Variants in MAJIN observed in about 807,000 individuals in gnomAD.
The protein encoded by MAJIN is membrane anchored junction protein, also known as membrane-anchored junction protein.
MAJIN carries 27 observed loss-of-function variants against 30.2 expected under a neutral mutation model. The observed-to-expected ratio is 0.89, with a 90% CI of 0.66 to 1.23. The LOEUF is 1.23. MAJIN is among the 50% of genes most tolerant of loss of function. MAJIN has a pLI of 0.00. For missense variants in MAJIN, 253 were observed against 260.3 expected, an observed-to-expected ratio of 0.97 and a Z score of 0.19; for synonymous variants, 78 against 91.6, an observed-to-expected ratio of 0.85 and a Z score of 0.85.
rs985515011 is a variant in MAJIN at position 64,938,273 on chromosome 11, C to T, written c.*302G>A. ...TTATTGTCATTAGGATCCTAAGTGC[C>T]GAAGACAAAAGGCCTAAACCGGCCC... On this transcript the variant is annotated 3_prime_UTR_variant, in exon 11 of 11. Transcript: ENST00000301896. 21 of 440,424 alleles carry T rather than the reference C, an allele frequency of 4.8e-5. No individual in the cohort carries two copies. The East Asian group carries it at 6.1e-4, about 13-fold the overall frequency. The allele number at this position is 440,424 out of a possible 1,614,324, so 27.3% of individuals were successfully genotyped here. A position where few individuals can be genotyped will look rare whatever the true frequency, so the allele number is the denominator to read the frequency against.
intron 1 of MAJIN, among the ~76,000 whole-genome samples, chr11:64,965,191 C>A (rs1016072101): frequency 3.3e-5 from 5 of 152,178 alleles, no homozygotes; most frequent in Non-Finnish European, 7.3e-5. Context: ...TCTTCCTGCC[C>A]TTTCTGGTAA....
chr11:64,940,933 G>A (rs1298353958), intron 8 of MAJIN, among the ~76,000 whole-genome samples: 1 of 135,620 alleles, frequency 7.4e-6, no homozygotes, highest in Non-Finnish European at 1.5e-5. Flanking sequence ...CTGCCTCTCC[G>A]GTTCACGCCA....
At chr11:64,971,066 G>A (rs1477683222) in intron 1 of MAJIN, among the ~76,000 whole-genome samples, 6 of 152,064 alleles carry the variant, frequency 3.9e-5, no homozygotes, top group African/African-American at 1.4e-4. Flanking sequence ...ATGCCGAGGC[G>A]GGTGGATATC....
intron 1 of MAJIN, among the ~76,000 whole-genome samples, chr11:64,964,751 TA>T (rs1945780818): frequency 6.6e-6 from 1 of 151,990 alleles, no homozygotes; most frequent in South Asian, 2.1e-4. Flanking sequence ...CACACCTGGC[TA>T]ATTTTTGTAT....
chr11:64,948,638 TA>T (rs1431511177), intron 6 of MAJIN, among the ~76,000 whole-genome samples: 4 of 42,842 alleles, frequency 9.3e-5, no homozygotes, highest in African/African-American at 1.8e-4. Context: ...TATATATATA[TA>T]TTTTTTTTTT....
Position 64,954,791 on chromosome 11 carries a change from A to C in MAJIN, c.113T>G (p.Ile38Arg), listed in dbSNP as rs143048018. 20 of 1,612,356 alleles carry C rather than the reference A, an allele frequency of 1.2e-5. No individual in the cohort carries two copies. The highest frequency in any genetic ancestry group is 1.6e-5 in the Non-Finnish European group (19 of 1,179,358). Residue 38 changes from isoleucine to arginine, a missense_variant, in exon 4 of 11, where the codon ATA becomes AGA. Ile to Arg is a moderately conservative substitution (Grantham distance 97). Coordinates refer to ENST00000301896, the MANE Select transcript of MAJIN (RefSeq NM_001037225.3). ...CTGGGTGATGACTTCCTTATTTTCTATCTCTTCTCCTCTAGAAGGTAAACA... is the reference window on the plus strand; with the variant it reads ...CTGGGTGATGACTTCCTTATTTTCTCTCTCTTCTCCTCTAGAAGGTAAACA... Reference protein sequence around the residue: ...RYGKSIRGEEIENKEVITQEL... With the variant: ...RYGKSIRGEERENKEVITQEL...
intron 1 of MAJIN, among the ~76,000 whole-genome samples, chr11:64,960,974 G>A (rs765107367): frequency 7.9e-5 from 12 of 152,272 alleles, no homozygotes; most frequent in African/African-American, 1.2e-4. Flanking sequence ...CAAAGTCCCC[G>A]GAGGGGAAAT....
chr11:64,962,857 T>TAC, intron 1 of MAJIN, among the ~76,000 whole-genome samples: 1 of 152,260 alleles, frequency 6.6e-6, no homozygotes, highest in Middle Eastern at 3.4e-3. Context: ...CCAGGCATGG[T>TAC]AGCTCACGCC....
At chr11:64,949,111 C>T (rs1221201768) in intron 6 of MAJIN, among the ~76,000 whole-genome samples, 1 of 150,370 alleles carries the variant, frequency 6.7e-6, no homozygotes, top group African/African-American at 2.4e-5. Context: ...TCGCTTGAGC[C>T]CAGGAGTTTG....
At position 64,938,587 on chromosome 11, in the gene MAJIN, A is replaced by C; in HGVS notation, c.*2-14T>G. ...GGGAAGAGAGAGCTGCAAGAATGAG[A>C]ACAGAGTAGGCTGAGACTCTATGAG... On this transcript the variant is annotated splice_polypyrimidine_tract_variant and intron_variant, in intron 10 of 10. Coordinates refer to ENST00000301896, the MANE Select transcript of MAJIN (RefSeq NM_001037225.3). The C allele has an allele frequency of 3.3e-6, 5 of 1,535,488 alleles. No homozygotes were observed. Among genetic ancestry groups the C allele is most frequent in the Non-Finnish European group, 3.5e-6 (4 of 1,146,426 alleles).
intron 8 of MAJIN, among the ~76,000 whole-genome samples, chr11:64,942,668 G>A (rs931915061): frequency 6.6e-6 from 1 of 152,076 alleles, no homozygotes; most frequent in East Asian, 1.9e-4. Context: ...CTCACAAACC[G>A]CTCAAATCCC....
chr11:64,949,937 G>C, intron 5 of MAJIN, 69 bp from the exon 6 acceptor site: 3 of 1,554,896 alleles, frequency 1.9e-6, no homozygotes, highest in East Asian at 2.2e-5. Context: ...TTAGGGATGA[G>C]ACTCTCTCTC....
intron 1 of MAJIN, among the ~76,000 whole-genome samples, chr11:64,970,361 C>CTTTTTTTTTT (rs1196525730): frequency 1.5e-5 from 1 of 66,058 alleles, no homozygotes; most frequent in African/African-American, 5.6e-5. Context: ...AAGACTCCGT[C>CTTTTTTTTTT]TTTTTTTTTT....
At chr11:64,960,507 T>A (rs1022300923) in intron 1 of MAJIN, among the ~76,000 whole-genome samples, 1 of 152,166 alleles carries the variant, frequency 6.6e-6, no homozygotes, top group African/African-American at 2.4e-5. Context: ...AAACTGCCCA[T>A]AGCTATGAAT....
chr11:64,947,370 T>TG lies in MAJIN; in HGVS notation c.473+3dup. 2 of 1,612,114 alleles carry TG rather than the reference T, an allele frequency of 1.2e-6. No individual in the cohort carries two copies. The highest frequency in any genetic ancestry group is 1.7e-6 in the Non-Finnish European group (2 of 1,179,534). The stretch of plus-strand genomic sequence containing the variant: ...GAGCGAGCCTCTCTCCCCACACCAC[T>TG]GACCTGTCCAGCCCTGGCCTGCTGG... On this transcript the variant is annotated splice_donor_region_variant and intron_variant, in intron 8 of 10. Coordinates refer to ENST00000301896, the MANE Select transcript of MAJIN (RefSeq NM_001037225.3).
chr11:64,938,615 C>T, intron 10 of MAJIN, 42 bp from the exon 11 acceptor site: 4 of 1,523,786 alleles, frequency 2.6e-6, no homozygotes, highest in Non-Finnish European at 3.5e-6. Flanking sequence ...TCTATGAGGT[C>T]TCCTTCCCTT....
Position 64,939,647 on chromosome 11 carries a change from C to G in MAJIN, c.*1+15G>C. 1 of 1,608,054 alleles carries G rather than the reference C, an allele frequency of 6.2e-7. No individual in the cohort carries two copies. Among genetic ancestry groups the G allele is most frequent in the Non-Finnish European group, 8.5e-7 (1 of 1,175,008 alleles). On this transcript the variant is annotated intron_variant, in intron 10 of 10. Transcript: ENST00000301896. ...GCTGGATCTCGAGTCTGATGCCGGA[C>G]AGAAGCTGTCTTACCTTAGAAACCC...
At position 64,971,377 on chromosome 11, in the gene MAJIN, A is replaced by G. The variant is rs184618827; in HGVS notation, c.-65+500T>C. Among the ~76,000 whole-genome samples the G allele has an allele frequency of 1.8e-3, 270 of 150,326 alleles. 3 individuals carry two copies. Among genetic ancestry groups the G allele is most frequent in the African/African-American group, 6.1e-3 (248 of 40,838 alleles). On this transcript the variant is annotated intron_variant, in intron 1 of 10. Transcript: ENST00000301896. Reference sequence around the variant, plus strand: ...AGGAGGCGGAGGTTGCAGTGAGTCAATATCGCCCCCACTGAACTCCAGCCT... The same window carrying G: ...AGGAGGCGGAGGTTGCAGTGAGTCAGTATCGCCCCCACTGAACTCCAGCCT...
intron 8 of MAJIN, among the ~76,000 whole-genome samples, chr11:64,941,818 G>A (rs1257543261): frequency 1.3e-5 from 2 of 152,158 alleles, no homozygotes; most frequent in African/African-American, 4.8e-5. Context: ...GTGGGATGTT[G>A]TCATGACGGG....
Sources: gnomAD v4.1 joint callset for allele counts (sites outside exome capture counted in the v4.1 genomes callset) on GRCh38, gnomAD v4.1.1 for gene constraint, MANE v1.5 for transcripts, NCBI Gene and HGNC (gene_info 2026-07-23, HGNC 2026-07-21) for gene names.